TECPR2: variants seen among roughly 807,000 people sequenced by gnomAD.
TECPR2 encodes tectonin beta-propeller repeat-containing protein 2.
A neutral mutation model predicts 138.1 loss-of-function variants in TECPR2; 65 were observed. The ratio of observed to expected loss-of-function variants is 0.47; its 90% CI spans 0.39 to 0.58. The LOEUF (loss-of-function observed/expected upper bound fraction) is 0.58. Among genes scored for constraint, TECPR2 ranks in the 20% least tolerant of loss-of-function variants. The probability of loss-of-function intolerance (pLI) is 0.00; values close to 1 mark genes in which losing one functional copy is unlikely to be tolerated. For missense variants in TECPR2, 1,553 were observed against 1,824.5 expected, an observed-to-expected ratio of 0.85 and a Z score of 2.71; for synonymous variants, 746 against 749.8, an observed-to-expected ratio of 0.99 and a Z score of 0.08.
At chr14:102,485,524 A>G (rs1891005227) in intron 17 of TECPR2, among the ~76,000 whole-genome samples, 1 of 152,188 alleles carries the variant, frequency 6.6e-6, no homozygotes, top group South Asian at 2.1e-4. Flanking sequence ...CTGGAAGGCC[A>G]TGATACCTAG....
chr14:102,460,895 C>T (rs1890392692), intron 16 of TECPR2, among the ~76,000 whole-genome samples: 1 of 151,884 alleles, frequency 6.6e-6, no homozygotes. Flanking sequence ...TGGGGCTTCA[C>T]CGTGTTAGCC....
chr14:102,430,745 C>G (rs1889449054), intron 7 of TECPR2, among the ~76,000 whole-genome samples: 1 of 152,188 alleles, frequency 6.6e-6, no homozygotes, highest in Admixed American at 6.5e-5. Flanking sequence ...ACTCACATGC[C>G]TGTTCTCACT....
rs775967979 is a variant in TECPR2 at position 102,449,639 on chromosome 14, C to T, written c.3086C>T (p.Thr1029Met). ...DDDHWWQVSI[T>M]DYVVFDQCSL... is the part of the protein sequence containing the mutation. ...GTCTCCTCCTTCCAGGTGAGCATCA[C>T]GGACTATGTGGTGTTTGACCAGTGC... The change falls in exon 14 of 20, where the codon ACG (threonine) becomes ATG (methionine). Residue 1029 changes from threonine (T) to methionine (M), a missense_variant. Thr to Met is a moderately conservative substitution (Grantham distance 81). Coordinates refer to ENST00000359520, the MANE Select transcript of TECPR2 (RefSeq NM_014844.5). The T allele has an allele frequency of 7.4e-6, 12 of 1,613,978 alleles. No homozygotes were observed. Among genetic ancestry groups the T allele is most frequent in the Admixed American group, 3.3e-5 (2 of 59,994 alleles).
intron 2 of TECPR2, among the ~76,000 whole-genome samples, chr14:102,387,651 C>T (rs904553675): frequency 2.2e-4 from 34 of 152,194 alleles, no homozygotes; most frequent in African/African-American, 7.5e-4. Context: ...CTCAGACTCC[C>T]GAGTAGCTGG....
chr14:102,473,059 G>A lies in TECPR2; in HGVS notation c.3789+7770G>A, dbSNP rs543290851. Among the ~76,000 whole-genome samples the A allele has an allele frequency of 8.1e-4, 123 of 152,350 alleles. 4 individuals are homozygous for A. The South Asian group carries it at 0.025, about 31-fold the overall frequency. ...CTGCGTCTTTCCCCATTTGACAGAG[G>A]AGAAAACCCTAGCTCAGAGGTTCAG... On this transcript the variant is annotated intron_variant, in intron 17 of 19. Coordinates refer to ENST00000359520, the MANE Select transcript of TECPR2 (RefSeq NM_014844.5).
rs1025073836 is a variant in TECPR2, at chr14:102,453,466, C to T, written c.3640+839C>T. Among the ~76,000 whole-genome samples, 6 of 148,822 alleles carry T rather than the reference C, an allele frequency of 4.0e-5. No individual in the cohort carries two copies. In the East Asian group the frequency reaches 7.8e-4, roughly 19 times the overall value. ...TTGCACTCCAGCCCAGGCAACAGAGCGAGATTCTGTTTCAAAAAAAAAAAA... is the reference window on the plus strand; with the variant it reads ...TTGCACTCCAGCCCAGGCAACAGAGTGAGATTCTGTTTCAAAAAAAAAAAA... On this transcript the variant is annotated intron_variant, in intron 16 of 19. Coordinates refer to ENST00000359520, the MANE Select transcript of TECPR2 (RefSeq NM_014844.5).
chr14:102,439,199 C>T (rs912172775), intron 10 of TECPR2, among the ~76,000 whole-genome samples: 1 of 151,962 alleles, frequency 6.6e-6, no homozygotes, highest in Non-Finnish European at 1.5e-5. Context: ...TTGGCCACGT[C>T]GGCACCTACG....
Position 102,434,875 on chromosome 14 carries a change from C to T in TECPR2, c.2058C>T (p.Ser686=). The T allele has an allele frequency of 3.1e-6, 5 of 1,613,698 alleles. No individual in the cohort carries two copies. Among genetic ancestry groups the T allele is most frequent in the Non-Finnish European group, 4.2e-6 (5 of 1,180,036 alleles). The change falls in exon 9 of 20, where the codon AGC becomes AGT. Residue 686 remains serine (S), a synonymous_variant. Coordinates refer to ENST00000359520, the MANE Select transcript of TECPR2 (RefSeq NM_014844.5). ...GCCAAGAGCAGGACATCCTAACCAG[C>T]ATGGAGGCCTCTGGCCACCTCAGCA... ...EPSQEQDILT[S]MEASGHLSTN...
intron 1 of TECPR2, among the ~76,000 whole-genome samples, chr14:102,373,821 C>T (rs1228238884): frequency 3.9e-5 from 6 of 152,052 alleles, no homozygotes; most frequent in African/African-American, 7.2e-5. Context: ...TGGCTCACAC[C>T]TGTAATCCCA....
At chr14:102,436,318 CTT>C (rs558287413) in intron 9 of TECPR2, among the ~76,000 whole-genome samples, 5 of 135,494 alleles carry the variant, frequency 3.7e-5, no homozygotes, top group East Asian at 2.1e-4. Flanking sequence ...TTCTTTCTTT[CTT>C]TTTTTTTTTT....
rs372271880 is a variant in TECPR2, at chr14:102,452,569, G to T, written c.3582G>T (p.Thr1194=). Residue 1194 remains threonine (T), a synonymous_variant, in exon 16 of 20, where the codon ACG becomes ACT. Coordinates refer to ENST00000359520, the MANE Select transcript of TECPR2 (RefSeq NM_014844.5). ...GCCTCGGCCAGGTGTTCATCAGGAC[G>T]CTCTCCAAGAGCTGCCCCACGGGCA... is the stretch of plus-strand genomic sequence containing the variant. ...LDSLGQVFIR[T]LSKSCPTGMH... 1 of 1,609,706 alleles carries T rather than the reference G, an allele frequency of 6.2e-7. No individual in the cohort carries two copies. The highest frequency in any genetic ancestry group is 1.1e-5 in the South Asian group (1 of 90,254).
intron 16 of TECPR2, among the ~76,000 whole-genome samples, chr14:102,455,785 G>A (rs1000282567): frequency 4.6e-5 from 7 of 152,164 alleles, no homozygotes; most frequent in Non-Finnish European, 1.0e-4. Context: ...CTAATTTTTT[G>A]TATTTTTAGT....
At chr14:102,405,948 G>A (rs1017791294) in intron 2 of TECPR2, among the ~76,000 whole-genome samples, 29 of 151,848 alleles carry the variant, frequency 1.9e-4, no homozygotes, top group African/African-American at 7.0e-4. Flanking sequence ...ATACTGTATG[G>A]TTCCATTTGT....
rs977518048 is a variant in TECPR2, at chr14:102,423,524, T to C, written c.639-1455T>C. Among the ~76,000 whole-genome samples, 22 of 152,226 alleles carry C rather than the reference T, an allele frequency of 1.4e-4. 1 individual carries two copies. Among genetic ancestry groups the C allele is most frequent in the African/African-American group, 4.8e-4 (20 of 41,552 alleles). On this transcript the variant is annotated intron_variant, in intron 5 of 19. Transcript: ENST00000359520. The stretch of plus-strand genomic sequence containing the variant: ...TCAGCTATTGTTAGTGTATTTTATG[T>C]GTGGCCCAAGACAATTCTTCTTCTT...
chr14:102,393,709 C>T (rs59477950), intron 2 of TECPR2, among the ~76,000 whole-genome samples: 6,999 of 152,214 alleles, frequency 0.046, 470 homozygotes, highest in African/African-American at 0.15. Flanking sequence ...CAGGTGCGCA[C>T]CACTACCACC....
At chr14:102,455,787 A>G (rs976013775) in intron 16 of TECPR2, among the ~76,000 whole-genome samples, 2 of 152,024 alleles carry the variant, frequency 1.3e-5, no homozygotes, top group African/African-American at 4.8e-5. Context: ...AATTTTTTGT[A>G]TTTTTAGTAG....
chr14:102,464,611 C>T (rs1230799979), intron 16 of TECPR2, among the ~76,000 whole-genome samples: 1 of 152,112 alleles, frequency 6.6e-6, no homozygotes, highest in African/African-American at 2.4e-5. Flanking sequence ...TCTTGAACTT[C>T]TGGGCTCAAC....
At chr14:102,369,401 T>A (rs1274250205) in intron 1 of TECPR2, among the ~76,000 whole-genome samples, 1 of 152,104 alleles carries the variant, frequency 6.6e-6, no homozygotes, top group African/African-American at 2.4e-5. Flanking sequence ...ATTGATCGAT[T>A]GATTTGAGAT....
intron 2 of TECPR2, among the ~76,000 whole-genome samples, chr14:102,397,504 G>T (rs1365493157): frequency 6.6e-6 from 1 of 152,138 alleles, no homozygotes; most frequent in African/African-American, 2.4e-5. Flanking sequence ...CCCAGCACTT[G>T]GGGAGGCCAA....
Sources: gnomAD v4.1 joint callset for allele counts (sites outside exome capture counted in the v4.1 genomes callset) on GRCh38, gnomAD v4.1.1 for gene constraint, MANE v1.5 for transcripts, NCBI Gene and HGNC (gene_info 2026-07-23, HGNC 2026-07-21) for gene names.